ELP3: variants seen among roughly 807,000 people sequenced by gnomAD.
The protein encoded by ELP3 is elongator acetyltransferase complex subunit 3, also known as elongator complex protein 3.
In ELP3, 56 loss-of-function variants were observed where a neutral mutation model predicts 74.9. The observed-to-expected ratio is 0.75, with a 90% CI of 0.60 to 0.93. The LOEUF (loss-of-function observed/expected upper bound fraction) is 0.93. Ranked by LOEUF, ELP3 falls within the 40% of genes least tolerant of loss-of-function variation. The pLI, the probability that ELP3 is intolerant of heterozygous loss-of-function variation, is 0.00. For missense variants in ELP3, 573 were observed against 686.5 expected, an observed-to-expected ratio of 0.83 and a Z score of 1.85; for synonymous variants, 222 against 239.8, an observed-to-expected ratio of 0.93 and a Z score of 0.68.
At chr8:28,119,713 G>A (rs898878938) in intron 7 of ELP3, among the ~76,000 whole-genome samples, 13 of 150,102 alleles carry the variant, frequency 8.7e-5, no homozygotes, top group African/African-American at 3.2e-4. Flanking sequence ...GATACAGAAT[G>A]TCACCGTCAT....
chr8:28,169,731 C>T (rs925442236), intron 14 of ELP3, among the ~76,000 whole-genome samples: 2 of 152,152 alleles, frequency 1.3e-5, no homozygotes, highest in African/African-American at 2.4e-5. Context: ...AGCTGGGTGC[C>T]TTTGGCTCAA....
chr8:28,129,997 A>C (rs768464395), intron 8 of ELP3, among the ~76,000 whole-genome samples: 13 of 152,216 alleles, frequency 8.5e-5, no homozygotes, highest in Non-Finnish European at 1.8e-4. Context: ...AACAAAGAAA[A>C]GAGTTTGAAT....
chr8:28,175,724 TTAG>T (rs1814720168), intron 14 of ELP3, among the ~76,000 whole-genome samples: 1 of 152,118 alleles, frequency 6.6e-6, no homozygotes, highest in Non-Finnish European at 1.5e-5. Context: ...AACTACACAA[TTAG>T]TATAATGTGG....
At position 28,178,203 on chromosome 8, in the gene ELP3, A is replaced by G. The variant is rs535532756; in HGVS notation, c.1568-11446A>G. On this transcript the variant is annotated intron_variant, in intron 14 of 14. Coordinates refer to ENST00000256398, the MANE Select transcript of ELP3 (RefSeq NM_018091.6). ...ATAGTTCTAGAGGCCTCGTGACCTA[A>G]TTGTCACCCAAAGACCTTACCTCTT... Among the ~76,000 whole-genome samples, 23 of 152,310 alleles carry G rather than the reference A, an allele frequency of 1.5e-4. No homozygotes were observed. The South Asian group carries it at 4.8e-3, about 32-fold the overall frequency.
intron 14 of ELP3, among the ~76,000 whole-genome samples, chr8:28,169,892 C>T (rs996682885): frequency 6.6e-6 from 1 of 152,178 alleles, no homozygotes; most frequent in African/African-American, 2.4e-5. Flanking sequence ...GCTGTGGTTC[C>T]TCGCCATCCC....
intron 10 of ELP3, among the ~76,000 whole-genome samples, chr8:28,150,592 T>G (rs1450870821): frequency 6.6e-6 from 1 of 152,128 alleles, no homozygotes; most frequent in Non-Finnish European, 1.5e-5. Context: ...TAATTTTTAT[T>G]TTTCTCTATA....
chr8:28,129,522 CA>C lies in ELP3; in HGVS notation c.641del (p.Lys214SerfsTer15). 6.2e-7 allele frequency: 1 copy of C among 1,614,164 alleles called. No individual in the cohort carries two copies. Among genetic ancestry groups the C allele is most frequent in the Non-Finnish European group, 8.5e-7 (1 of 1,179,998 alleles). ...TACAGGTATTCTGAGAGAAGCCTCA[CA>C]AAGTGTATTGGAATTACTATTGAAA... Reference protein sequence around the residue: ...EAVKYSERSLTKCIGITIETR... With the variant: ...EAVKYSERSLXKCIGITIETR... On this transcript the variant is annotated frameshift_variant, in exon 8 of 15. Coordinates refer to ENST00000256398, the MANE Select transcript of ELP3 (RefSeq NM_018091.6). LOFTEE classifies it high-confidence loss of function.
chr8:28,140,645 C>T lies in ELP3; in HGVS notation c.1100+2754C>T, dbSNP rs76307501. Reference sequence around the variant, plus strand: ...GTGGTGCTCTGCCTTCTCATTTCAGCGCTCACACTGGGAGCCAATGTCCTT... The same window carrying T: ...GTGGTGCTCTGCCTTCTCATTTCAGTGCTCACACTGGGAGCCAATGTCCTT... On this transcript the variant is annotated intron_variant, in intron 10 of 14. Coordinates refer to ENST00000256398, the MANE Select transcript of ELP3 (RefSeq NM_018091.6). 9.2e-3 allele frequency among the ~76,000 whole-genome samples: 1,401 copies of T among 152,246 alleles called. 25 individuals are homozygous for T. Among genetic ancestry groups the T allele is most frequent in the African/African-American group, 0.031 (1,301 of 41,544 alleles).
chr8:28,123,601 G>A (rs1428216762), intron 7 of ELP3, among the ~76,000 whole-genome samples: 1 of 152,200 alleles, frequency 6.6e-6, no homozygotes, highest in African/African-American at 2.4e-5. Context: ...CAATTGCTAA[G>A]AGATTGAAAT....
intron 3 of ELP3, among the ~76,000 whole-genome samples, chr8:28,103,969 T>G (rs963902883): frequency 2.0e-5 from 3 of 152,202 alleles, no homozygotes; most frequent in Non-Finnish European, 4.4e-5. Context: ...GCTCAAGGGA[T>G]CCTCCCAGCT....
chr8:28,161,157 C>A (rs1814069754), intron 13 of ELP3, among the ~76,000 whole-genome samples: 1 of 152,240 alleles, frequency 6.6e-6, no homozygotes, highest in African/African-American at 2.4e-5. Context: ...TAACCCCAGA[C>A]AACCTACCTT....
At chr8:28,189,137 A>G (rs76270043) in intron 14 of ELP3, among the ~76,000 whole-genome samples, 1,524 of 152,316 alleles carry the variant, frequency 0.01, 25 homozygotes, top group African/African-American at 0.034. Context: ...TATACTTCCA[A>G]CACTTCTGAC....
At chr8:28,155,877 T>G in intron 10 of ELP3, 65 bp from the exon 11 acceptor site, 1 of 1,316,586 alleles carries the variant, frequency 7.6e-7, no homozygotes, top group Non-Finnish European at 1.1e-6. Context: ...TTTAATATCC[T>G]TGCCTTACTG....
At chr8:28,100,206 T>G (rs1384817619) in intron 3 of ELP3, among the ~76,000 whole-genome samples, 1 of 152,218 alleles carries the variant, frequency 6.6e-6, no homozygotes, top group Non-Finnish European at 1.5e-5. Context: ...AAAATATAGA[T>G]TTAGGCTTGG....
upstream of ELP3, chr8:28,092,911 C>G (rs1356483070): frequency 3.9e-6 from 2 of 509,042 alleles, no homozygotes; most frequent in Non-Finnish European, 7.2e-6. Flanking sequence ...TGTCCCATAG[C>G]TGTACTGCCC....
chr8:28,097,315 ATAAG>A lies in ELP3; in HGVS notation c.119+3_119+6del, dbSNP rs1811289520. 3 of 1,608,762 alleles carry A rather than the reference ATAAG, an allele frequency of 1.9e-6. No individual in the cohort carries two copies. The highest frequency in any genetic ancestry group is 2.2e-5 in the East Asian group (1 of 44,840). ...GAGCAGGGGAAAGACATCGATCTAA[ATAAG>A]TAAGTGGATATAAAGAGAGAGCAAG... On this transcript the variant is annotated splice_donor_variant and coding_sequence_variant, in exon 2 of 15. Transcript: ENST00000256398. LOFTEE classifies it high-confidence loss of function.
chr8:28,106,926 C>CTTTTTG (rs1811720119), intron 4 of ELP3, 143 bp downstream of exon 4: 1 of 626,580 alleles, frequency 1.6e-6, no homozygotes, highest in Admixed American at 3.0e-5. Context: ...AACAAGCAAC[C>CTTTTTG]ATTGGTAGAT....
In ELP3 at chr8:28,160,438, T is replaced by C. The variant is rs372230842; in HGVS notation, c.1467T>C (p.Pro489=). 1.3e-5 allele frequency: 21 copies of C among 1,613,694 alleles called. No individual in the cohort carries two copies. In the African/African-American group the frequency reaches 2.1e-4, roughly 16 times the overall value. Residue 489 remains proline, a synonymous_variant, in exon 13 of 15, where the codon CCT becomes CCC. Coordinates refer to ENST00000256398, the MANE Select transcript of ELP3 (RefSeq NM_018091.6). ...TGGTCCCTGTGAGCAGCCGGGATCC[T>C]ACTAAATTTCAGCATCAGGTATCCT... is the stretch of plus-strand genomic sequence containing the variant. ...GSVVPVSSRD[P]TKFQHQGFGM...
At chr8:28,184,237 G>C (rs1017309326) in intron 14 of ELP3, among the ~76,000 whole-genome samples, 6 of 152,234 alleles carry the variant, frequency 3.9e-5, no homozygotes, top group African/African-American at 9.6e-5. Context: ...AGACTGACTA[G>C]AGGTGAAGTT....
Sources: allele counts gnomAD v4.1 joint callset (sites outside exome capture counted in the v4.1 genomes callset), GRCh38; gene constraint gnomAD v4.1.1; transcripts MANE v1.5; gene names NCBI Gene and HGNC (gene_info 2026-07-23, HGNC 2026-07-21).